Variants in FGF14 observed in about 807,000 individuals in gnomAD.
FGF14 encodes the protein fibroblast growth factor 14.
Under a neutral mutation model 25.5 loss-of-function variants are expected in FGF14, and 5 were observed. The ratio of observed to expected loss-of-function variants is 0.20; its 90% CI spans 0.10 to 0.41. FGF14 has a LOEUF of 0.41. FGF14 is among the 10% of genes least tolerant of loss of function. The pLI, the probability that FGF14 is intolerant of heterozygous loss-of-function variation, is 1.00. For missense variants in FGF14, 222 were observed against 320.1 expected, an observed-to-expected ratio of 0.69 and a Z score of 2.34; for synonymous variants, 138 against 118.3, an observed-to-expected ratio of 1.17 and a Z score of -1.08.
intron 3 of FGF14, among the ~76,000 whole-genome samples, chr13:101,732,692 G>T (rs2035891640): frequency 6.6e-6 from 1 of 152,150 alleles, no homozygotes; most frequent in African/African-American, 2.4e-5. Context: ...ATAATTTATG[G>T]ACTAGAAATT....
intron 3 of FGF14, among the ~76,000 whole-genome samples, chr13:101,840,658 G>A (rs1320152968): frequency 1.3e-5 from 2 of 151,930 alleles, no homozygotes; most frequent in African/African-American, 4.8e-5. Flanking sequence ...TTCATGCAGT[G>A]TTGTAAATGT....
In FGF14 at chr13:102,200,899, G is replaced by A. The variant is rs568961143; in HGVS notation, c.208+200572C>T. Among the ~76,000 whole-genome samples the A allele has an allele frequency of 5.9e-5, 9 of 151,868 alleles. No individual in the cohort carries two copies. The East Asian group carries it at 1.6e-3, about 26-fold the overall frequency. On this transcript the variant is annotated intron_variant, in intron 1 of 4. Transcript: ENST00000376131. ...GGGCGGATCATGAGGTCGGGAGATCGAGACCATCTTGGCTAACATGGTGAA... is the reference window on the plus strand; with the variant it reads ...GGGCGGATCATGAGGTCGGGAGATCAAGACCATCTTGGCTAACATGGTGAA...
intron 1 of FGF14, among the ~76,000 whole-genome samples, chr13:101,901,948 G>A (rs2031613282): frequency 6.6e-6 from 1 of 152,044 alleles, no homozygotes; most frequent in South Asian, 2.1e-4. Context: ...AATTCATTTT[G>A]ATGAGTTTGG....
At chr13:102,036,438 T>C (rs943328124) in intron 1 of FGF14, among the ~76,000 whole-genome samples, 13 of 152,050 alleles carry the variant, frequency 8.5e-5, no homozygotes, top group African/African-American at 3.1e-4. Flanking sequence ...GGGACAAAGT[T>C]TACCTCCAGC....
chr13:102,135,536 G>T (rs1879039560), intron 1 of FGF14, among the ~76,000 whole-genome samples: 1 of 152,186 alleles, frequency 6.6e-6, no homozygotes, highest in African/African-American at 2.4e-5. Flanking sequence ...ATAGTACAGA[G>T]TTAAAAATGA....
At chr13:101,887,330 A>G (rs4772423) in intron 1 of FGF14, among the ~76,000 whole-genome samples, 2,548 of 101,674 alleles carry the variant, frequency 0.025, 23 homozygotes, top group African/African-American at 0.037. Flanking sequence ...ATATGTGTGT[A>G]TATATATATA....
At chr13:102,212,038 C>A (rs1412892888) in intron 1 of FGF14, among the ~76,000 whole-genome samples, 1 of 152,078 alleles carries the variant, frequency 6.6e-6, no homozygotes, top group African/African-American at 2.4e-5. Context: ...CTTAGGGCTC[C>A]TTCGTTTCCA....
At chr13:101,800,124 C>T (rs560985695) in intron 3 of FGF14, among the ~76,000 whole-genome samples, 292 of 152,068 alleles carry the variant, frequency 1.9e-3, no homozygotes, top group Non-Finnish European at 3.4e-3. Context: ...GAAAGAGTGT[C>T]TCGAATAAAA....
chr13:102,034,078 A>G (rs1464296281), intron 1 of FGF14, among the ~76,000 whole-genome samples: 1 of 152,078 alleles, frequency 6.6e-6, no homozygotes, highest in Non-Finnish European at 1.5e-5. Context: ...TCAATGCACT[A>G]TTTTATCTAA....
In FGF14 at chr13:101,715,866, A is replaced by G; in HGVS notation, c.*6965T>C. 2.2e-6 allele frequency: 1 copy of G among 444,802 alleles called. No individual in the cohort carries two copies. The highest frequency in any genetic ancestry group is 4.0e-6 in the Non-Finnish European group (1 of 247,530). The allele number at this position is 444,802 out of a possible 1,614,324, so 27.6% of individuals were successfully genotyped here. On this transcript the variant is annotated 3_prime_UTR_variant, in exon 5 of 5. Transcript: ENST00000376143. ...AACATTAGAAAAAAAAGATTCTTCC[A>G]TAATTAACATAAGTGGTTCCTAACG...
chr13:102,289,733 G>A (rs918776450), intron 1 of FGF14, among the ~76,000 whole-genome samples: 5 of 152,234 alleles, frequency 3.3e-5, no homozygotes, highest in African/African-American at 1.2e-4. Flanking sequence ...ATCTTAATTT[G>A]CCAACATAGG....
At chr13:101,870,258 CT>C (rs1362286496) in intron 2 of FGF14, among the ~76,000 whole-genome samples, 1 of 151,968 alleles carries the variant, frequency 6.6e-6, no homozygotes, top group African/African-American at 2.4e-5. Flanking sequence ...AGTATTCCTT[CT>C]TGGTGGGAGA....
chr13:102,392,480 T>G (rs1375770213), intron 1 of FGF14, among the ~76,000 whole-genome samples: 1 of 152,234 alleles, frequency 6.6e-6, no homozygotes, highest in East Asian at 1.9e-4. Context: ...AGATGAACTT[T>G]TTATCCCACA....
intron 3 of FGF14, among the ~76,000 whole-genome samples, chr13:101,727,718 T>C (rs1469422310): frequency 4.6e-5 from 7 of 152,128 alleles, no homozygotes. Context: ...AATCTACATA[T>C]GCATTTTTGA....
At position 102,161,685 on chromosome 13, in the gene FGF14, G is replaced by GTC. The variant is rs1566765782; in HGVS notation, c.208+239785_208+239786insGA. On this transcript the variant is annotated intron_variant, in intron 1 of 4. Transcript: ENST00000376131. Reference sequence around the variant, plus strand: ...AGAAGAAGAAGAAGAAGAAGAAGAAGAAGAAGAAGAAGAAGAAGAAGAAGA... The same window carrying GTC: ...AGAAGAAGAAGAAGAAGAAGAAGAAGTCAAGAAGAAGAAGAAGAAGAAGAAGA... 7.2e-3 allele frequency among the ~76,000 whole-genome samples: 747 copies of GTC among 103,354 alleles called. 27 individuals carry two copies. The highest frequency in any genetic ancestry group is 0.021 in the Middle Eastern group (4 of 192). 67.8% of individuals were successfully genotyped at this position (103,354 alleles called of 152,430 possible).
intron 3 of FGF14, among the ~76,000 whole-genome samples, chr13:101,800,977 C>T (rs892034586): frequency 3.3e-5 from 5 of 152,114 alleles, no homozygotes; most frequent in African/African-American, 7.2e-5. Context: ...TTTTAGAAAA[C>T]GTGAGATAAT....
intron 1 of FGF14, among the ~76,000 whole-genome samples, chr13:102,034,606 A>G (rs2041379635): frequency 2.0e-5 from 3 of 152,156 alleles, no homozygotes; most frequent in Admixed American, 6.6e-5. Context: ...GTATTCCAAC[A>G]TAAGAGCTAT....
At chr13:101,816,806 T>C (rs908254969) in intron 3 of FGF14, among the ~76,000 whole-genome samples, 2 of 152,176 alleles carry the variant, frequency 1.3e-5, no homozygotes, top group African/African-American at 2.4e-5. Context: ...TAAAACCATA[T>C]GAAAGTAAAT....
intron 1 of FGF14, among the ~76,000 whole-genome samples, chr13:102,068,282 G>C (rs892172670): frequency 4.6e-5 from 7 of 152,316 alleles, no homozygotes; most frequent in African/African-American, 1.7e-4. Flanking sequence ...AACCAGGCTG[G>C]GCACGATGGT....
Sources: allele counts gnomAD v4.1 joint callset (sites outside exome capture counted in the v4.1 genomes callset), GRCh38; gene constraint gnomAD v4.1.1; transcripts MANE v1.5; gene names NCBI Gene and HGNC (gene_info 2026-07-23, HGNC 2026-07-21).